GALNT17: variants seen among roughly 807,000 people sequenced by gnomAD.
The protein encoded by GALNT17 is UDP-GalNAc:polypeptide N-acetylgalactosaminyltransferase-like 3.
Under a neutral mutation model 63.7 loss-of-function variants are expected in GALNT17, and 29 were observed. The ratio of observed to expected loss-of-function variants is 0.46; its 90% CI spans 0.34 to 0.62. GALNT17 has a LOEUF of 0.62. Ranked by LOEUF, GALNT17 falls within the 20% of genes least tolerant of loss-of-function variation. The probability of loss-of-function intolerance (pLI) is 0.01; values close to 1 mark genes in which losing one functional copy is unlikely to be tolerated. For synonymous variants in GALNT17, 305 were observed against 318.3 expected (o/e 0.96, Z 0.45); for missense variants, 603 against 799.6 (o/e 0.75, Z 2.97).
At chr7:71,535,521 A>G (rs1410312487) in intron 5 of GALNT17, among the ~76,000 whole-genome samples, 1 of 152,244 alleles carries the variant, frequency 6.6e-6, no homozygotes, top group African/African-American at 2.4e-5. Context: ...TACATTTCCT[A>G]TAATGTCTAT....
intron 1 of GALNT17, among the ~76,000 whole-genome samples, chr7:71,213,310 G>A (rs1423967659): frequency 6.6e-6 from 1 of 152,144 alleles, no homozygotes; most frequent in African/African-American, 2.4e-5. Flanking sequence ...CCATGATTCT[G>A]AGGCCTCCCC....
At chr7:71,435,129 C>G (rs1342219359) in intron 5 of GALNT17, among the ~76,000 whole-genome samples, 1 of 152,096 alleles carries the variant, frequency 6.6e-6, no homozygotes, top group African/African-American at 2.4e-5. Flanking sequence ...AGTTCAAGAC[C>G]AGCCTGGGCA....
chr7:71,234,553 C>T lies in GALNT17; in HGVS notation c.239-100997C>T, dbSNP rs539075065. Among the ~76,000 whole-genome samples, 169 of 152,200 alleles carry T rather than the reference C, an allele frequency of 1.1e-3. 1 individual carries two copies. Among genetic ancestry groups the T allele is most frequent in the Admixed American group, 0.01 (157 of 15,284 alleles). ...TGTTAAGATTAGAGATGTGAGCCAC[C>T]GCTCCCGACCCATTGCATTTAACCT... is the stretch of plus-strand genomic sequence containing the variant. On this transcript the variant is annotated intron_variant, in intron 1 of 10. Transcript: ENST00000333538.
chr7:71,153,922 A>G (rs1205613108), intron 1 of GALNT17, among the ~76,000 whole-genome samples: 1 of 144,204 alleles, frequency 6.9e-6, no homozygotes, highest in Non-Finnish European at 1.5e-5. Context: ...AATAATAGTA[A>G]TAAAATAAAA....
chr7:71,615,672 T>G (rs1297604673), intron 6 of GALNT17, among the ~76,000 whole-genome samples: 1 of 152,048 alleles, frequency 6.6e-6, no homozygotes, highest in Non-Finnish European at 1.5e-5. Context: ...GAGACAGGAT[T>G]TTACCATTTT....
At chr7:71,144,969 T>A (rs549347075) in intron 1 of GALNT17, among the ~76,000 whole-genome samples, 1 of 152,084 alleles carries the variant, frequency 6.6e-6, no homozygotes, top group Admixed American at 6.5e-5. Flanking sequence ...ACTTCGTGAT[T>A]TGCCCACCTT....
At chr7:71,590,714 TTTG>T (rs1244805298) in intron 6 of GALNT17, among the ~76,000 whole-genome samples, 3 of 152,144 alleles carry the variant, frequency 2.0e-5, no homozygotes, top group African/African-American at 4.8e-5. Flanking sequence ...GCACTTTCTT[TTTG>T]TTGTTGTTGT....
intron 5 of GALNT17, among the ~76,000 whole-genome samples, chr7:71,478,775 G>A (rs1451075746): frequency 1.3e-5 from 2 of 152,182 alleles, no homozygotes; most frequent in Non-Finnish European, 2.9e-5. Flanking sequence ...GGATGAAAAT[G>A]TATCATGCAA....
chr7:71,595,681 A>ACACACACACACG (rs1195444533), intron 6 of GALNT17, among the ~76,000 whole-genome samples: 2 of 151,518 alleles, frequency 1.3e-5, no homozygotes, highest in African/African-American at 4.8e-5. Context: ...ACACACACAC[A>ACACACACACACG]CACACACACA....
intron 5 of GALNT17, among the ~76,000 whole-genome samples, chr7:71,456,958 G>A (rs1270593343): frequency 6.6e-6 from 1 of 152,174 alleles, no homozygotes; most frequent in South Asian, 2.1e-4. Flanking sequence ...GGGGGTTCCA[G>A]GTCACAGGTA....
At chr7:71,567,604 A>G (rs1403600232) in intron 5 of GALNT17, among the ~76,000 whole-genome samples, 1 of 152,186 alleles carries the variant, frequency 6.6e-6, no homozygotes, top group Non-Finnish European at 1.5e-5. Flanking sequence ...AGCTGGGGTT[A>G]CAGGTGCACA....
chr7:71,401,215 G>C lies in GALNT17; in HGVS notation c.589+12814G>C, dbSNP rs557930877. ...AGGTTCAAGCGATTCTCCTGCCTCAGCCTCCCGAGTAGCTGCAATTACAGG... is the reference window on the plus strand; with the variant it reads ...AGGTTCAAGCGATTCTCCTGCCTCACCCTCCCGAGTAGCTGCAATTACAGG... On this transcript the variant is annotated intron_variant, in intron 3 of 10. Transcript: ENST00000333538. Among the ~76,000 whole-genome samples, 38 of 151,296 alleles carry C rather than the reference G, an allele frequency of 2.5e-4. 4 individuals are homozygous for C. The East Asian group carries it at 2.9e-3, about 12-fold the overall frequency.
At chr7:71,450,005 G>A (rs1583963935) in intron 5 of GALNT17, among the ~76,000 whole-genome samples, 1 of 148,488 alleles carries the variant, frequency 6.7e-6, no homozygotes, top group South Asian at 2.2e-4. Context: ...TCGTGCCATC[G>A]CACTCCAGCC....
At chr7:71,277,890 C>G (rs1486345844) in intron 1 of GALNT17, among the ~76,000 whole-genome samples, 3 of 152,156 alleles carry the variant, frequency 2.0e-5, no homozygotes, top group African/African-American at 7.2e-5. Context: ...TCACTTACAC[C>G]AAGGGGAAGA....
At position 71,379,239 on chromosome 7, in the gene GALNT17, A is replaced by G. The variant is rs112725144; in HGVS notation, c.423-8996A>G. On this transcript the variant is annotated intron_variant, in intron 2 of 10. Transcript: ENST00000333538. ...CAGTTTGTGTGACTTGAGAGACAGCATTCTCAGTTCTAGGAAATAACAAAT... is the reference window on the plus strand; with the variant it reads ...CAGTTTGTGTGACTTGAGAGACAGCGTTCTCAGTTCTAGGAAATAACAAAT... 3.4e-3 allele frequency among the ~76,000 whole-genome samples: 521 copies of G among 152,300 alleles called. 5 individuals carry two copies. The highest frequency in any genetic ancestry group is 0.012 in the African/African-American group (493 of 41,560).
intron 5 of GALNT17, among the ~76,000 whole-genome samples, chr7:71,494,488 G>T (rs1788061010): frequency 6.6e-6 from 1 of 152,056 alleles, no homozygotes; most frequent in Non-Finnish European, 1.5e-5. Context: ...TGGGACTACA[G>T]GTGTGCACTA....
chr7:71,339,042 A>T (rs1490019954), intron 2 of GALNT17, among the ~76,000 whole-genome samples: 3 of 152,164 alleles, frequency 2.0e-5, no homozygotes, highest in Admixed American at 6.6e-5. Flanking sequence ...ATGCTCTCTC[A>T]TTAGCCTTTC....
intron 1 of GALNT17, among the ~76,000 whole-genome samples, chr7:71,162,585 C>CAT (rs34800846): frequency 0.27 from 40,500 of 151,996 alleles, 5,819 homozygotes; most frequent in Middle Eastern, 0.35. Context: ...TATAGGGCTC[C>CAT]ATGTGACTGC....
At chr7:71,285,814 G>C (rs1790863226) in intron 1 of GALNT17, among the ~76,000 whole-genome samples, 1 of 152,184 alleles carries the variant, frequency 6.6e-6, no homozygotes, top group African/African-American at 2.4e-5. Flanking sequence ...ATAAATGTTT[G>C]TGGTTTAAGC....
Sources: allele counts gnomAD v4.1 joint callset (sites outside exome capture counted in the v4.1 genomes callset), GRCh38; gene constraint gnomAD v4.1.1; transcripts MANE v1.5; gene names NCBI Gene and HGNC (gene_info 2026-07-23, HGNC 2026-07-21).